Variants in SDK1 observed in about 807,000 individuals in gnomAD.
SDK1 encodes protein sidekick-1.
Under a neutral mutation model 245.5 loss-of-function variants are expected in SDK1, and 157 were observed. That is an observed-to-expected ratio of 0.64 (90% CI 0.56 to 0.73). The LOEUF is 0.73. Ranked by LOEUF, SDK1 falls within the 30% of genes least tolerant of loss-of-function variation. The probability of loss-of-function intolerance (pLI) is 0.00; values close to 1 mark genes in which losing one functional copy is unlikely to be tolerated. For synonymous variants in SDK1, 1,647 were observed against 1,278.5 expected, an observed-to-expected ratio of 1.29 and a Z score of -6.15; for missense variants, 3,583 against 3,002.3, an observed-to-expected ratio of 1.19 and a Z score of -4.52.
intron 1 of SDK1, among the ~76,000 whole-genome samples, chr7:3,615,592 A>T (rs571989859): frequency 6.6e-6 from 1 of 151,850 alleles, no homozygotes; most frequent in South Asian, 2.1e-4. Context: ...CTCAATGCTG[A>T]TTACAGAGGC....
At chr7:3,882,240 A>G (rs946011412) in intron 5 of SDK1, among the ~76,000 whole-genome samples, 3 of 152,216 alleles carry the variant, frequency 2.0e-5, no homozygotes, top group East Asian at 1.9e-4. Flanking sequence ...GGGAGCTACA[A>G]TTCAAGATGA....
chr7:3,813,360 T>C (rs1045811033), intron 4 of SDK1, among the ~76,000 whole-genome samples: 21 of 146,132 alleles, frequency 1.4e-4, no homozygotes, highest in Non-Finnish European at 2.5e-4. Context: ...GAATAGGCGG[T>C]GTTTGGTTTT....
chr7:3,665,437 C>T (rs970585210), intron 4 of SDK1, among the ~76,000 whole-genome samples: 2 of 148,628 alleles, frequency 1.3e-5, no homozygotes, highest in Admixed American at 6.8e-5. Flanking sequence ...TCACATTTTG[C>T]AATTCTTTGA....
At chr7:3,872,439 A>G (rs889756638) in intron 5 of SDK1, among the ~76,000 whole-genome samples, 2 of 152,130 alleles carry the variant, frequency 1.3e-5, no homozygotes, top group African/African-American at 2.4e-5. Context: ...AGGTTTCACT[A>G]TAAATACAAT....
At chr7:3,989,159 A>G (rs971559406) in intron 14 of SDK1, among the ~76,000 whole-genome samples, 2 of 152,212 alleles carry the variant, frequency 1.3e-5, no homozygotes, top group Admixed American at 1.3e-4. Flanking sequence ...AGACTGGGCA[A>G]TTTACAGAGG....
chr7:3,805,378 T>G (rs1779215956), intron 4 of SDK1, among the ~76,000 whole-genome samples: 1 of 152,250 alleles, frequency 6.6e-6, no homozygotes, highest in African/African-American at 2.4e-5. Context: ...GTATTGATGC[T>G]CAAATTGCCC....
chr7:3,599,067 C>A (rs987569411), intron 1 of SDK1, among the ~76,000 whole-genome samples: 5 of 149,674 alleles, frequency 3.3e-5, no homozygotes, highest in Middle Eastern at 3.3e-3. Context: ...TGTGTAGCCA[C>A]CAGCAATGTG....
intron 4 of SDK1, among the ~76,000 whole-genome samples, chr7:3,775,370 C>G (rs956117856): frequency 6.6e-6 from 1 of 152,016 alleles, no homozygotes; most frequent in African/African-American, 2.4e-5. Flanking sequence ...TTACCTGTAG[C>G]AGATTGTGGC....
At chr7:4,254,630 C>CTTT (rs745611023) in intron 44 of SDK1, among the ~76,000 whole-genome samples, 1 of 132,746 alleles carries the variant, frequency 7.5e-6, no homozygotes. Context: ...AAGCTACCTT[C>CTTT]TTTTTTTTTT....
intron 1 of SDK1, among the ~76,000 whole-genome samples, chr7:3,401,530 A>G (rs1377288543): frequency 1.3e-5 from 2 of 152,050 alleles, no homozygotes; most frequent in African/African-American, 2.4e-5. Flanking sequence ...TTGCTGGGGG[A>G]AAATAACAAG....
rs562498538 is a variant in SDK1, at chr7:3,393,220, C to T, written c.298+91336C>T. On this transcript the variant is annotated intron_variant, in intron 1 of 44. Transcript: ENST00000404826. ...CTCCTGACCTCAGGTGATCCACCTACCTCAGCCTCCCACAGTGCTGGGATT... is the reference window on the plus strand; with the variant it reads ...CTCCTGACCTCAGGTGATCCACCTATCTCAGCCTCCCACAGTGCTGGGATT... Among the ~76,000 whole-genome samples the T allele has an allele frequency of 1.6e-4, 24 of 151,964 alleles. 1 individual carries two copies. The highest frequency in any genetic ancestry group is 1.6e-3 in the Admixed American group (24 of 15,268).
At position 4,267,405 on chromosome 7, in the gene SDK1, C is replaced by T; in HGVS notation, c.*2021C>T. ...TATTCTAAACCAAAAATCCTAGATG[C>T]TCTGCCCAAAGCCACTTCTGCATGA... is the stretch of plus-strand genomic sequence containing the variant. On this transcript the variant is annotated 3_prime_UTR_variant, in exon 45 of 45. Transcript: ENST00000404826. 7.1e-6 allele frequency: 7 copies of T among 985,304 alleles called. No homozygotes were observed. Among genetic ancestry groups the T allele is most frequent in the Non-Finnish European group, 7.2e-6 (6 of 829,956 alleles). The allele number at this position is 985,304 out of a possible 1,614,324, so 61.0% of individuals were successfully genotyped here. A position where few individuals can be genotyped will look rare whatever the true frequency, so the allele number is the denominator to read the frequency against.
At chr7:3,897,849 C>CT (rs1035164410) in intron 5 of SDK1, among the ~76,000 whole-genome samples, 3 of 151,780 alleles carry the variant, frequency 2.0e-5, no homozygotes, top group African/African-American at 4.8e-5. Context: ...TATTCCTTTC[C>CT]TTTTTTCTTT....
At chr7:3,349,804 G>T (rs57535226) in intron 1 of SDK1, among the ~76,000 whole-genome samples, 1 of 151,800 alleles carries the variant, frequency 6.6e-6, no homozygotes, top group African/African-American at 2.4e-5. Flanking sequence ...GGGTTTCACC[G>T]TGTTAGCCAG....
intron 20 of SDK1, among the ~76,000 whole-genome samples, chr7:4,076,130 C>T (rs1562772970): frequency 6.6e-6 from 1 of 152,210 alleles, no homozygotes; most frequent in Non-Finnish European, 1.5e-5. Context: ...TGAAAATAAA[C>T]TTTTCCAGTG....
intron 22 of SDK1, among the ~76,000 whole-genome samples, chr7:4,109,821 A>C (rs1325281113): frequency 6.6e-6 from 1 of 152,172 alleles, no homozygotes; most frequent in African/African-American, 2.4e-5. Context: ...CACAAGGATG[A>C]GTGAGAGGTG....
intron 1 of SDK1, among the ~76,000 whole-genome samples, chr7:3,401,318 C>G (rs1778881492): frequency 6.6e-6 from 1 of 152,152 alleles, no homozygotes; most frequent in South Asian, 2.1e-4. Context: ...GGAAAGGTAA[C>G]TGATAACTTG....
intron 4 of SDK1, among the ~76,000 whole-genome samples, chr7:3,750,496 C>A (rs570225302): frequency 6.6e-6 from 1 of 152,182 alleles, no homozygotes; most frequent in South Asian, 2.1e-4. Context: ...ATAGGAACAG[C>A]GGGATTTTGC....
At chr7:3,561,827 C>T (rs993973906) in intron 1 of SDK1, among the ~76,000 whole-genome samples, 7 of 152,194 alleles carry the variant, frequency 4.6e-5, no homozygotes, top group African/African-American at 1.4e-4. Flanking sequence ...AAACAAAATT[C>T]ATTATAAGAC....
Sources: gnomAD v4.1 joint callset for allele counts (sites outside exome capture counted in the v4.1 genomes callset) on GRCh38, gnomAD v4.1.1 for gene constraint, MANE v1.5 for transcripts, NCBI Gene and HGNC (gene_info 2026-07-23, HGNC 2026-07-21) for gene names.